The following CHPT1 variants were observed in gnomAD, a reference collection of about 807,000 sequenced individuals.
CHPT1 encodes choline phosphotransferase 1.
A neutral mutation model predicts 47.6 loss-of-function variants in CHPT1; 36 were observed. That is an observed-to-expected ratio of 0.76 (90% CI 0.58 to 1.00). The LOEUF (loss-of-function observed/expected upper bound fraction) is 1.00, where lower values mean the gene tolerates loss of function less well. Among genes scored for constraint, CHPT1 ranks in the 50% least tolerant of loss-of-function variants. The probability of loss-of-function intolerance (pLI) is 0.00; values close to 1 mark genes in which losing one functional copy is unlikely to be tolerated. For synonymous variants in CHPT1, 194 were observed against 186.3 expected (o/e 1.04, Z -0.33); for missense variants, 458 against 498.1 (o/e 0.92, Z 0.77).
chr12:101,714,221 T>C lies in CHPT1; in HGVS notation c.405T>C (p.Cys135=). ...SPLGELFDHG[C]DSLSTVFMAV... is the part of the protein sequence containing the mutation. ...TAGGGGAGCTCTTTGACCATGGCTGTGACTCTCTTTCCACAGGTAAATTAG... is the reference window on the plus strand; with the variant it reads ...TAGGGGAGCTCTTTGACCATGGCTGCGACTCTCTTTCCACAGGTAAATTAG... Residue 135 remains cysteine (C), a synonymous_variant, in exon 2 of 9, where the codon TGT becomes TGC. Transcript: ENST00000229266. The C allele has an allele frequency of 1.9e-6, 3 of 1,596,762 alleles. No individual in the cohort carries two copies.
Position 101,698,055 on chromosome 12 carries a change from C to A in CHPT1, c.194C>A (p.Ser65Tyr). The A allele has an allele frequency of 6.3e-7, 1 of 1,575,642 alleles. No individual in the cohort carries two copies. Among genetic ancestry groups the A allele is most frequent in the Admixed American group, 1.7e-5 (1 of 57,414 alleles). Residue 65 changes from serine to tyrosine, a missense_variant, in exon 1 of 9, where the codon TCC becomes TAC. Ser to Tyr is a moderately radical substitution (Grantham distance 144, BLOSUM62 -2). Transcript: ENST00000229266. ...ATCCCGCTCTGGATGGCCCCCAACT[C>A]CATCACCCTGCTGGGGCTCGCCGTC... ...QWIPLWMAPN[S>Y]ITLLGLAVNV... is the part of the protein sequence containing the mutation.
At chr12:101,722,737 A>G (rs1951874057) in intron 5 of CHPT1, among the ~76,000 whole-genome samples, 1 of 151,690 alleles carries the variant, frequency 6.6e-6, no homozygotes. Flanking sequence ...GAAAATAGGA[A>G]AAAAGAAGGA....
At chr12:101,714,902 A>G (rs1426363911) in intron 3 of CHPT1, 3 of 287,332 alleles carry the variant, frequency 1.0e-5, no homozygotes, top group Non-Finnish European at 1.9e-5. Context: ...TACAATAGAG[A>G]GGATTAAAAG....
rs1594143396 is a variant in CHPT1 at position 101,723,236 on chromosome 12, A to G, written c.849A>G (p.Lys283=). 1 of 1,612,232 alleles carries G rather than the reference A, an allele frequency of 6.2e-7. No individual in the cohort carries two copies. The highest frequency in any genetic ancestry group is 8.5e-7 in the Non-Finnish European group (1 of 1,178,368). The part of the protein sequence containing the change: ...LIIILAIMIY[K]KSATDVFEKH... ...TTATACTGGCAATAATGATCTATAA[A>G]AAGTCAGCAACTGATGTGTTTGAAA... Residue 283 remains lysine, a synonymous_variant, in exon 6 of 9, where the codon AAA becomes AAG. Transcript: ENST00000229266.
intron 1 of CHPT1, among the ~76,000 whole-genome samples, chr12:101,707,205 C>G (rs1477937923): frequency 2.0e-5 from 3 of 152,078 alleles, no homozygotes; most frequent in Non-Finnish European, 4.4e-5. Flanking sequence ...CATATGAGTG[C>G]TTTGCTGAAT....
intron 1 of CHPT1, among the ~76,000 whole-genome samples, chr12:101,711,433 G>GCC (rs1951700238): frequency 1.4e-5 from 2 of 147,954 alleles, no homozygotes; most frequent in African/African-American, 4.9e-5. Context: ...GACACAGAAA[G>GCC]AGAAATATGG....
chr12:101,714,484 T>C lies in CHPT1; in HGVS notation c.422-20T>C, dbSNP rs1951736276. On this transcript the variant is annotated intron_variant, in intron 2 of 8. Coordinates refer to ENST00000229266, the MANE Select transcript of CHPT1 (RefSeq NM_020244.3). ...AATTATTTTTAATTCTTAATGATTC[T>C]TAAACTTTGTTTCTTTCAGTATTTA... 6.3e-7 allele frequency: 1 copy of C among 1,584,000 alleles called. No homozygotes were observed. Among genetic ancestry groups the C allele is most frequent in the East Asian group, 2.2e-5 (1 of 44,450 alleles).
chr12:101,705,338 C>T (rs1951616423), intron 1 of CHPT1, among the ~76,000 whole-genome samples: 1 of 91,620 alleles, frequency 1.1e-5, no homozygotes, highest in Non-Finnish European at 2.0e-5. Context: ...GCTGGGATTA[C>T]AGGCATGAGC....
chr12:101,698,243 C>A (rs576685558), intron 1 of CHPT1, 109 bp downstream of exon 1: 3 of 1,333,058 alleles, frequency 2.3e-6, no homozygotes, highest in African/African-American at 3.1e-5. Flanking sequence ...TCCCGGGCCC[C>A]GGAGGGGCGG....
At chr12:101,725,758 TG>T (rs1416181690) in intron 7 of CHPT1, among the ~76,000 whole-genome samples, 2 of 152,176 alleles carry the variant, frequency 1.3e-5, no homozygotes, top group African/African-American at 4.8e-5. Context: ...CTTTTTCTCC[TG>T]GGTTTCATTT....
intron 4 of CHPT1, among the ~76,000 whole-genome samples, chr12:101,719,270 T>C (rs929089096): frequency 6.6e-6 from 1 of 152,184 alleles, no homozygotes; most frequent in Admixed American, 6.5e-5. Context: ...TTAAAATTGT[T>C]TCACTCAATG....
chr12:101,713,848 T>A (rs963760407), intron 1 of CHPT1, among the ~76,000 whole-genome samples: 3 of 152,190 alleles, frequency 2.0e-5, no homozygotes, highest in Admixed American at 6.5e-5. Context: ...AAGATCAGGA[T>A]CCTAATCCTT....
At chr12:101,713,375 C>T (rs1020146529) in intron 1 of CHPT1, among the ~76,000 whole-genome samples, 3 of 152,226 alleles carry the variant, frequency 2.0e-5, no homozygotes, top group African/African-American at 7.2e-5. Flanking sequence ...TTATGCTCCT[C>T]TCTCTGTGCA....
intron 5 of CHPT1, among the ~76,000 whole-genome samples, chr12:101,720,959 T>C (rs1951840578): frequency 6.6e-6 from 1 of 152,192 alleles, no homozygotes; most frequent in Non-Finnish European, 1.5e-5. Flanking sequence ...ATTCCAGTGA[T>C]ACCATCTTAT....
At chr12:101,702,538 T>G (rs1465412302) in intron 1 of CHPT1, among the ~76,000 whole-genome samples, 1 of 152,226 alleles carries the variant, frequency 6.6e-6, no homozygotes, top group Non-Finnish European at 1.5e-5. Context: ...AACCATTTCT[T>G]AAGGTTATCT....
chr12:101,720,355 G>A, intron 5 of CHPT1, 101 bp downstream of exon 5: 2 of 988,926 alleles, frequency 2.0e-6, no homozygotes, highest in South Asian at 1.5e-5. Flanking sequence ...GAATGGGGAA[G>A]GAAACTAAGT....
At chr12:101,728,760 C>T in intron 8 of CHPT1, 141 bp from the exon 9 acceptor site, 2 of 912,350 alleles carry the variant, frequency 2.2e-6, no homozygotes, top group Non-Finnish European at 3.3e-6. Flanking sequence ...CTAACTAACT[C>T]ATAACTATTT....
intron 5 of CHPT1, among the ~76,000 whole-genome samples, chr12:101,721,242 G>A (rs7137327): frequency 2.0e-5 from 3 of 151,780 alleles, no homozygotes; most frequent in African/African-American, 7.3e-5. Context: ...AAGCTGAGAC[G>A]GTGCCACTGC....
chr12:101,699,054 A>T (rs2559852), intron 1 of CHPT1, among the ~76,000 whole-genome samples: 122,691 of 152,220 alleles, frequency 0.81, 49,779 homozygotes, highest in African/African-American at 0.9. Context: ...AATACAGTGG[A>T]AATATTTCAT....
Sources: gnomAD v4.1 joint callset for allele counts (sites outside exome capture counted in the v4.1 genomes callset) on GRCh38, gnomAD v4.1.1 for gene constraint, MANE v1.5 for transcripts, NCBI Gene and HGNC (gene_info 2026-07-23, HGNC 2026-07-21) for gene names.